The following CNTN3 variants were observed in gnomAD, a reference collection of about 807,000 sequenced individuals.
CNTN3 encodes the protein contactin-3.
In CNTN3, 60 loss-of-function variants were observed where a neutral mutation model predicts 119.1. That is an observed-to-expected ratio of 0.50 (90% confidence interval 0.41 to 0.62). The LOEUF (loss-of-function observed/expected upper bound fraction) is 0.62. Ranked by LOEUF, CNTN3 falls within the 20% of genes least tolerant of loss-of-function variation. The pLI, the probability that CNTN3 is intolerant of heterozygous loss-of-function variation, is 0.00. For synonymous variants in CNTN3, 450 were observed against 438.7 expected (o/e 1.03, Z -0.32); for missense variants, 1,101 against 1,242.4 (o/e 0.89, Z 1.71).
chr3:74,518,668 C>A (rs1199813859), intron 2 of CNTN3, among the ~76,000 whole-genome samples: 1 of 151,926 alleles, frequency 6.6e-6, no homozygotes, highest in African/African-American at 2.4e-5. Flanking sequence ...ACTCCTCAAT[C>A]ATTTCAGGAA....
chr3:74,355,924 C>T (rs1395507989), intron 11 of CNTN3, among the ~76,000 whole-genome samples: 1 of 151,966 alleles, frequency 6.6e-6, no homozygotes, highest in Non-Finnish European at 1.5e-5. Context: ...CTGAACACTC[C>T]CCTCCATGGC....
intron 11 of CNTN3, among the ~76,000 whole-genome samples, chr3:74,341,504 G>C (rs1416994363): frequency 6.6e-6 from 1 of 152,060 alleles, no homozygotes; most frequent in Non-Finnish European, 1.5e-5. Flanking sequence ...AAATCACTGT[G>C]GCATTTTAAC....
chr3:74,312,701 A>G (rs1247036483), intron 13 of CNTN3, among the ~76,000 whole-genome samples: 1 of 152,030 alleles, frequency 6.6e-6, no homozygotes, highest in Non-Finnish European at 1.5e-5. Context: ...TCACCCTCAC[A>G]CCTTACCATT....
At chr3:74,522,783 G>GAAA (rs59747912) in intron 1 of CNTN3, among the ~76,000 whole-genome samples, 2 of 146,834 alleles carry the variant, frequency 1.4e-5, no homozygotes, top group African/African-American at 5.0e-5. Flanking sequence ...GTGGAAAAAG[G>GAAA]AAAAAAAAAA....
intron 4 of CNTN3, among the ~76,000 whole-genome samples, chr3:74,473,055 C>G (rs1241387115): frequency 6.6e-6 from 1 of 150,990 alleles, no homozygotes; most frequent in Non-Finnish European, 1.5e-5. Context: ...ATATTATAAT[C>G]TATAATAATT....
intron 1 of CNTN3, among the ~76,000 whole-genome samples, chr3:74,568,277 T>G: frequency 6.6e-6 from 1 of 152,250 alleles, no homozygotes; most frequent in East Asian, 1.9e-4. Flanking sequence ...TGCAGCCATA[T>G]GTATGCACAT....
At chr3:74,320,503 C>G (rs1035980443) in intron 13 of CNTN3, among the ~76,000 whole-genome samples, 1 of 152,208 alleles carries the variant, frequency 6.6e-6, no homozygotes, top group Non-Finnish European at 1.5e-5. Flanking sequence ...GAACATCACA[C>G]TCCAGGGACT....
At chr3:74,285,788 G>GAGAT (rs1452349238) in intron 19 of CNTN3, among the ~76,000 whole-genome samples, 52 of 84,652 alleles carry the variant, frequency 6.1e-4, no homozygotes, top group South Asian at 1.4e-3. Context: ...GAATGAAGGG[G>GAGAT]AGATATATAT....
intron 4 of CNTN3, among the ~76,000 whole-genome samples, chr3:74,427,227 C>T (rs1405552187): frequency 6.6e-6 from 1 of 152,118 alleles, no homozygotes; most frequent in Non-Finnish European, 1.5e-5. Flanking sequence ...ATTGTAATGG[C>T]ACATTGTAAG....
At chr3:74,407,552 T>G (rs1171749444) in intron 5 of CNTN3, among the ~76,000 whole-genome samples, 1 of 150,934 alleles carries the variant, frequency 6.6e-6, no homozygotes, top group African/African-American at 2.4e-5. Context: ...GGATTACAAG[T>G]GTGAGCCACC....
At chr3:74,550,758 T>C (rs376949113) in intron 1 of CNTN3, among the ~76,000 whole-genome samples, 4 of 152,102 alleles carry the variant, frequency 2.6e-5, no homozygotes, top group African/African-American at 9.7e-5. Context: ...CCCAGGCTGG[T>C]CTTTAACTCC....
intron 1 of CNTN3, among the ~76,000 whole-genome samples, chr3:74,531,421 A>C (rs1305886662): frequency 6.6e-6 from 1 of 152,112 alleles, no homozygotes. Flanking sequence ...AAGTACAACC[A>C]ACAATTAGAA....
intron 2 of CNTN3, among the ~76,000 whole-genome samples, chr3:74,512,103 G>A (rs138222405): frequency 1.3e-5 from 2 of 152,146 alleles, no homozygotes; most frequent in East Asian, 3.9e-4. Flanking sequence ...TTTTTTCATT[G>A]CAGCAGTGGC....
intron 1 of CNTN3, among the ~76,000 whole-genome samples, chr3:74,604,937 A>G (rs1334730431): frequency 6.6e-6 from 1 of 152,182 alleles, no homozygotes; most frequent in African/African-American, 2.4e-5. Context: ...TGTGGTATAT[A>G]CACACAATGG....
At chr3:74,316,722 G>A (rs987694444) in intron 13 of CNTN3, among the ~76,000 whole-genome samples, 7 of 151,938 alleles carry the variant, frequency 4.6e-5, no homozygotes, top group Non-Finnish European at 8.8e-5. Flanking sequence ...TCAGGAGATC[G>A]AGACCATACT....
At chr3:74,584,034 C>A (rs903967306) in intron 1 of CNTN3, among the ~76,000 whole-genome samples, 3 of 152,130 alleles carry the variant, frequency 2.0e-5, no homozygotes, top group Non-Finnish European at 4.4e-5. Flanking sequence ...ATACTTATTT[C>A]TTTCCCACAT....
At chr3:74,329,577 G>A (rs1293552713) in intron 13 of CNTN3, among the ~76,000 whole-genome samples, 1 of 152,168 alleles carries the variant, frequency 6.6e-6, no homozygotes, top group Non-Finnish European at 1.5e-5. Flanking sequence ...TTAGCTTACT[G>A]AGCAAGTCAA....
chr3:74,456,312 C>T (rs772222310), intron 4 of CNTN3, among the ~76,000 whole-genome samples: 3 of 152,052 alleles, frequency 2.0e-5, no homozygotes, highest in South Asian at 4.1e-4. Flanking sequence ...CTTTACAAAA[C>T]CCCTATCATC....
chr3:74,275,833 A>G (rs1701868592), intron 20 of CNTN3, among the ~76,000 whole-genome samples: 1 of 152,196 alleles, frequency 6.6e-6, no homozygotes, highest in African/African-American at 2.4e-5. Flanking sequence ...GCTCCACTTA[A>G]AAGATACAGA....
Sources: gnomAD v4.1 joint callset for allele counts (sites outside exome capture counted in the v4.1 genomes callset) on GRCh38, gnomAD v4.1.1 for gene constraint, MANE v1.5 for transcripts, NCBI Gene and HGNC (gene_info 2026-07-23, HGNC 2026-07-21) for gene names.